Variants in RTL1 observed in about 807,000 individuals in gnomAD.
The protein encoded by RTL1 is retrotransposon Gag like 1.
For synonymous variants in RTL1, 727 were observed against 748.4 expected (o/e 0.97, Z 0.47); for missense variants, 1,681 against 1,767.5 (o/e 0.95, Z 0.88).
intron 1 of RTL1, among the ~76,000 whole-genome samples, 40 bp downstream of exon 1, chr14:100,903,565 G>A (rs575195459): frequency 1.3e-5 from 2 of 152,242 alleles, no homozygotes; most frequent in East Asian, 1.9e-4. Context: ...TTAGATTGAT[G>A]AGGAAACTGA....
At chr14:100,900,466 T>C (rs1000684754) in intron 2 of RTL1, among the ~76,000 whole-genome samples, 3 of 152,252 alleles carry the variant, frequency 2.0e-5, no homozygotes, top group African/African-American at 7.2e-5. Flanking sequence ...TGTCTGATAC[T>C]GGGGCTATTT....
intron 2 of RTL1, among the ~76,000 whole-genome samples, chr14:100,899,996 C>CAGG (rs1188902533): frequency 2.0e-5 from 3 of 152,220 alleles, no homozygotes; most frequent in Admixed American, 6.5e-5. Context: ...GACATCTTCC[C>CAGG]AGGGAAAAGT....
chr14:100,883,570 C>T lies in RTL1; in HGVS notation c.1219G>A (p.Ala407Thr), dbSNP rs556062183. The change falls in exon 4 of 4, where the codon GCC becomes ACC. Residue 407 changes from alanine (A) to threonine (T), a missense_variant. Coordinates refer to ENST00000649591, the MANE Select transcript of RTL1 (RefSeq NM_001134888.3). This position sits in a 1 kb window ranked among gnomAD's most constrained non-coding sequence, Gnocchi z 5.9. ...PSEVHPDINR[A>T]HLFLLLMVRV... ...ACCATGAGCAGCAGGAAGAGGTGGGCGCGATTGATGTCCGGATGGACTTCG... is the reference window on the plus strand; with the variant it reads ...ACCATGAGCAGCAGGAAGAGGTGGGTGCGATTGATGTCCGGATGGACTTCG... 8.1e-5 allele frequency: 125 copies of T among 1,551,406 alleles called. No homozygotes were observed. Among genetic ancestry groups the T allele is most frequent in the Non-Finnish European group, 9.9e-5 (114 of 1,146,978 alleles).
At chr14:100,887,128 G>T (rs915626259) in intron 3 of RTL1, among the ~76,000 whole-genome samples, 1 of 152,042 alleles carries the variant, frequency 6.6e-6, no homozygotes, top group African/African-American at 2.4e-5. Context: ...AGCATAAAAT[G>T]AAAATTTTCA....
chr14:100,882,620 C>T lies in RTL1; in HGVS notation c.2169G>A (p.Met723Ile). 1 of 1,551,826 alleles carries T rather than the reference C, an allele frequency of 6.4e-7. No homozygotes were observed. Among genetic ancestry groups the T allele is most frequent in the Non-Finnish European group, 8.7e-7 (1 of 1,147,054 alleles). Residue 723 changes from methionine (M) to isoleucine (I), a missense_variant, in exon 4 of 4, where the codon ATG becomes ATA. Physicochemically the swap from Met to Ile is conservative, Grantham distance 10. Coordinates refer to ENST00000649591, the MANE Select transcript of RTL1 (RefSeq NM_001134888.3). ...CATAAGAAAGCACAAAGAACCCTAG[C>T]ATGTCCTTTAGGATGAAGTGAATCA... ...QNVIHFILKD[M>I]LGFFVLSYGQ...
At chr14:100,896,886 C>T (rs1359755181) in intron 2 of RTL1, among the ~76,000 whole-genome samples, 2 of 152,216 alleles carry the variant, frequency 1.3e-5, no homozygotes, top group Non-Finnish European at 2.9e-5. Context: ...TCCCTGTCCC[C>T]ACCGCCTGGC....
At position 100,882,010 on chromosome 14, in the gene RTL1, T is replaced by C. The variant is rs2038621861; in HGVS notation, c.2779A>G (p.Ile927Val). 3.1e-6 allele frequency: 5 copies of C among 1,613,526 alleles called. No homozygotes were observed. The highest frequency in any genetic ancestry group is 1.3e-5 in the African/African-American group (1 of 74,932). The change falls in exon 4 of 4, where the codon ATA (isoleucine) becomes GTA (valine). Residue 927 changes from isoleucine to valine, a missense_variant. Transcript: ENST00000649591. ...CACCACACCATGAAGGCAGCCCGTA[T>C]TGGAAGAATCTTCATCTCCGCTTGA... ...YSQAEMKILP[I>V]RAAFMVWCRY...
rs190794525 is a variant in RTL1 at position 100,895,235 on chromosome 14, T to A, written c.-148-1730A>T. On this transcript the variant is annotated intron_variant, in intron 2 of 3. Coordinates refer to ENST00000649591, the MANE Select transcript of RTL1 (RefSeq NM_001134888.3). ...TGATATACAGATGTGCGTGGGGACA[T>A]CTGGGATGGGGCTCAGGGGTCTACC... Among the ~76,000 whole-genome samples, 193 of 152,254 alleles carry A rather than the reference T, an allele frequency of 1.3e-3. 2 individuals carry two copies. Among genetic ancestry groups the A allele is most frequent in the African/African-American group, 4.5e-3 (187 of 41,556 alleles).
At chr14:100,897,781 G>GGGGGGGGGGGGGGGGGT (rs2038887138) in intron 2 of RTL1, 2 of 174,686 alleles carry the variant, frequency 1.1e-5, no homozygotes, top group Admixed American at 6.1e-5. Context: ...TGGGGGGCGG[G>GGGGGGGGGGGGGGGGGT]GGGGGGCAGT....
rs781386069 is a variant in RTL1, at chr14:100,884,741, C to T, written c.48G>A (p.Lys16=). ...EDSFETMMEH[K]NPSSKQMESS... is the part of the protein sequence containing the mutation. ...ACTCCATTTGTTTTGATGATGGATT[C>T]TTATGCTCCATCATCGTCTCAAATG... The change falls in exon 4 of 4, where the codon AAG becomes AAA. Residue 16 remains lysine (K), a synonymous_variant. Coordinates refer to ENST00000649591, the MANE Select transcript of RTL1 (RefSeq NM_001134888.3). 31 of 1,603,040 alleles carry T rather than the reference C, an allele frequency of 1.9e-5. No homozygotes were observed. The highest frequency in any genetic ancestry group is 3.4e-4 in the Middle Eastern group (2 of 5,968).
At chr14:100,889,396 CTACT>C (rs1393336618) in intron 3 of RTL1, among the ~76,000 whole-genome samples, 2 of 152,200 alleles carry the variant, frequency 1.3e-5, no homozygotes, top group Non-Finnish European at 2.9e-5. Flanking sequence ...TTGCTCTTCT[CTACT>C]TAAACTATAA....
chr14:100,899,973 C>T (rs947664525), intron 2 of RTL1, among the ~76,000 whole-genome samples: 13 of 152,176 alleles, frequency 8.5e-5, no homozygotes, highest in Admixed American at 2.0e-4. Flanking sequence ...AGCTGATGCT[C>T]GCCTCCCTCC....
intron 2 of RTL1, among the ~76,000 whole-genome samples, chr14:100,902,045 G>T (rs903478366): frequency 6.6e-6 from 1 of 152,222 alleles, no homozygotes; most frequent in Non-Finnish European, 1.5e-5. Flanking sequence ...AGCCTGGGCA[G>T]GAAACCGTGC....
At chr14:100,886,688 C>T (rs1275555132) in intron 3 of RTL1, among the ~76,000 whole-genome samples, 2 of 151,500 alleles carry the variant, frequency 1.3e-5, no homozygotes, top group Admixed American at 6.6e-5. Flanking sequence ...TGTAAAATTC[C>T]AAACCTCTAA....
intron 3 of RTL1, among the ~76,000 whole-genome samples, chr14:100,888,223 A>G (rs2038720386): frequency 6.6e-6 from 1 of 152,182 alleles, no homozygotes; most frequent in Non-Finnish European, 1.5e-5. Context: ...TCTCCTTAGC[A>G]TGTGAGCAAA....
Position 100,883,378 on chromosome 14 carries a change from G to A in RTL1, c.1411C>T (p.Pro471Ser), listed in dbSNP as rs749479484. 2.1e-5 allele frequency: 33 copies of A among 1,550,630 alleles called. No homozygotes were observed. Among genetic ancestry groups the A allele is most frequent in the Non-Finnish European group, 2.4e-5 (27 of 1,146,366 alleles). The change falls in exon 4 of 4, where the codon CCT (proline) becomes TCT (serine). Residue 471 changes from proline (P) to serine (S), a missense_variant. Coordinates refer to ENST00000649591, the MANE Select transcript of RTL1 (RefSeq NM_001134888.3). This position sits in a 1 kb window ranked among gnomAD's most constrained non-coding sequence, Gnocchi z 5.9. Reference sequence around the variant, plus strand: ...AGGGGCTCCGTGTAGAGCCAGACAGGCTCGTTGCCAATCAGCGAGCCGTCC... The same window carrying A: ...AGGGGCTCCGTGTAGAGCCAGACAGACTCGTTGCCAATCAGCGAGCCGTCC... Reference protein sequence around the residue: ...SVDGSLIGNEPVWLYTEPLVC... With the variant: ...SVDGSLIGNESVWLYTEPLVC...
At chr14:100,888,164 C>T (rs2038719616) in intron 3 of RTL1, among the ~76,000 whole-genome samples, 1 of 152,198 alleles carries the variant, frequency 6.6e-6, no homozygotes, top group Admixed American at 6.5e-5. Flanking sequence ...ATCCCCCACC[C>T]CTTCCAAACA....
rs887694162 is a variant in RTL1, at chr14:100,881,396, G to A, written c.3393C>T (p.Ser1131=). The change falls in exon 4 of 4, where the codon TCC becomes TCT. Residue 1131 remains serine (S), a synonymous_variant. Transcript: ENST00000649591. The surrounding 1 kb of genome is among the most constrained non-coding windows in gnomAD (Gnocchi z 6.6). ...QRSLRLILDS[S]LIAGSSITTA... Reference sequence around the variant, plus strand: ...TCGTGATGCTGCTGCCTGCGATGAGGGACGAATCCAGGATGAGTCGTAGGG... The same window carrying A: ...TCGTGATGCTGCTGCCTGCGATGAGAGACGAATCCAGGATGAGTCGTAGGG... 2 of 1,550,688 alleles carry A rather than the reference G, an allele frequency of 1.3e-6. No individual in the cohort carries two copies. Among genetic ancestry groups the A allele is most frequent in the East Asian group, 2.4e-5 (1 of 40,916 alleles).
At chr14:100,895,831 C>T (rs555922119) in intron 2 of RTL1, among the ~76,000 whole-genome samples, 13 of 152,128 alleles carry the variant, frequency 8.5e-5, no homozygotes, top group Admixed American at 2.0e-4. Flanking sequence ...CCAGCACTTT[C>T]GGAGGCCGAG....
Sources: allele counts gnomAD v4.1 joint callset (sites outside exome capture counted in the v4.1 genomes callset), GRCh38; gene constraint gnomAD v4.1.1; non-coding constraint Gnocchi (gnomAD v3.1); transcripts MANE v1.5; gene names NCBI Gene and HGNC (gene_info 2026-07-23, HGNC 2026-07-21).